COG7: variants seen among roughly 807,000 people sequenced by gnomAD.
COG7 encodes component of oligomeric golgi complex 7.
A neutral mutation model predicts 91.5 loss-of-function variants in COG7; 49 were observed. That is an observed-to-expected ratio of 0.54 (90% CI 0.43 to 0.68). The LOEUF is 0.68. Among genes scored for constraint, COG7 ranks in the 30% least tolerant of loss-of-function variants. The probability of loss-of-function intolerance (pLI) is 0.00; values close to 1 mark genes in which losing one functional copy is unlikely to be tolerated. For missense variants in COG7, 895 were observed against 961.3 expected, an observed-to-expected ratio of 0.93 and a Z score of 0.91; for synonymous variants, 365 against 388.7, an observed-to-expected ratio of 0.94 and a Z score of 0.72.
intron 7 of COG7, among the ~76,000 whole-genome samples, chr16:23,422,717 TA>T (rs546758852): frequency 1.6e-3 from 248 of 152,128 alleles, no homozygotes; most frequent in African/African-American, 5.7e-3. Flanking sequence ...AAAGAAAAAC[TA>T]AAACTCTTTT....
At chr16:23,422,742 G>C (rs192397766) in intron 7 of COG7, among the ~76,000 whole-genome samples, 6 of 152,006 alleles carry the variant, frequency 3.9e-5, no homozygotes, top group Non-Finnish European at 7.4e-5. Flanking sequence ...AAACCTCAGG[G>C]AGAATCATTA....
chr16:23,392,606 C>A, intron 15 of COG7, 83 bp from the exon 16 acceptor site: 1 of 1,551,366 alleles, frequency 6.4e-7, no homozygotes, highest in Non-Finnish European at 8.9e-7. Flanking sequence ...AGCTTCTGAT[C>A]TCAATGGCAA....
At chr16:23,417,824 C>A (rs1032480593) in intron 8 of COG7, among the ~76,000 whole-genome samples, 4 of 152,118 alleles carry the variant, frequency 2.6e-5, no homozygotes, top group African/African-American at 7.2e-5. Flanking sequence ...TGCTTCCTTC[C>A]TTCAGGTGCA....
At chr16:23,425,913 A>G (rs1022321068) in intron 6 of COG7, among the ~76,000 whole-genome samples, 2 of 152,158 alleles carry the variant, frequency 1.3e-5, no homozygotes, top group Non-Finnish European at 2.9e-5. Context: ...ACCAAAAATT[A>G]ACTAGAGAGA....
rs140030187 is a variant in COG7 at position 23,434,638 on chromosome 16, T to C, written c.685A>G (p.Lys229Glu). The C allele has an allele frequency of 1.2e-6, 2 of 1,611,180 alleles. No homozygotes were observed. Among genetic ancestry groups the C allele is most frequent in the African/African-American group, 2.7e-5 (2 of 74,876 alleles). The change falls in exon 5 of 17, where the codon AAG becomes GAG. Residue 229 changes from lysine to glutamate, a missense_variant and splice_region_variant. Lys to Glu is a moderately conservative substitution (Grantham distance 56). Transcript: ENST00000307149. ...TGTCATCGCGCACAGCTTCTTACCT[T>C]GTGACACTTGTAGTAGTAGGCCAGG... ...QLLAYYYKCH[K>E]VQLLAAWQEL...
rs1355562436 is a variant in COG7, at chr16:23,445,986, A to C, written c.170-25T>G. On this transcript the variant is annotated intron_variant, in intron 1 of 16. Transcript: ENST00000307149. ...TCTGTAGTTAAAAAAAAAAAAAAAAACAACAACAACAGCGATAGCCACAAA... is the reference window on the plus strand; with the variant it reads ...TCTGTAGTTAAAAAAAAAAAAAAAACCAACAACAACAGCGATAGCCACAAA... 3.3e-6 allele frequency: 5 copies of C among 1,521,930 alleles called. No homozygotes were observed. Among genetic ancestry groups the C allele is most frequent in the Admixed American group, 3.5e-5 (2 of 57,440 alleles). 94.3% of individuals were successfully genotyped at this position (1,521,930 alleles called of 1,614,324 possible). A position where few individuals can be genotyped will look rare whatever the true frequency, so the allele number is the denominator to read the frequency against.
intron 13 of COG7, among the ~76,000 whole-genome samples, chr16:23,401,362 G>A (rs7201167): frequency 0.075 from 11,482 of 152,130 alleles, 743 homozygotes; most frequent in African/African-American, 0.17. Flanking sequence ...TGGTGAAGCC[G>A]GAATGAGAAG....
At chr16:23,452,649 C>T (rs1216669472) in intron 1 of COG7, 177 bp downstream of exon 1, 1 of 1,410,330 alleles carries the variant, frequency 7.1e-7, no homozygotes, top group Non-Finnish European at 9.3e-7. Flanking sequence ...TCAAGACAGC[C>T]CGGCACCCAG....
rs763456778 is a variant in COG7, at chr16:23,406,203, C to T, written c.1535G>A (p.Gly512Asp). 6.2e-7 allele frequency: 1 copy of T among 1,614,158 alleles called. No homozygotes were observed. Among genetic ancestry groups the T allele is most frequent in the Non-Finnish European group, 8.5e-7 (1 of 1,180,032 alleles). The change falls in exon 12 of 17, where the codon GGT becomes GAT. Residue 512 changes from glycine to aspartate, a missense_variant. Coordinates refer to ENST00000307149, the MANE Select transcript of COG7 (RefSeq NM_153603.4). ...GTCTGTCAAGATGCTCTCCTGAAAACCAGCCAGGCTCCGGGGGCTGCAGGA... is the reference window on the plus strand; with the variant it reads ...GTCTGTCAAGATGCTCTCCTGAAAATCAGCCAGGCTCCGGGGGCTGCAGGA... ...SDSCSPRSLA[G>D]FQESILTDKK...
At position 23,391,161 on chromosome 16, in the gene COG7, A is replaced by G. The variant is rs540337230; in HGVS notation, c.2146+1219T>C. On this transcript the variant is annotated intron_variant, in intron 16 of 16. Coordinates refer to ENST00000307149, the MANE Select transcript of COG7 (RefSeq NM_153603.4). ...AGCTGCCTAAAGCTTTGTTGTCTCTATCTCCTAGAACTACAGCTGGCACAC... is the reference window on the plus strand; with the variant it reads ...AGCTGCCTAAAGCTTTGTTGTCTCTGTCTCCTAGAACTACAGCTGGCACAC... Among the ~76,000 whole-genome samples the G allele has an allele frequency of 3.0e-4, 46 of 152,304 alleles. 1 individual carries two copies. Among genetic ancestry groups the G allele is most frequent in the South Asian group, 2.1e-4 (1 of 4,822 alleles).
chr16:23,405,996 C>T, intron 12 of COG7, 80 bp downstream of exon 12: 2 of 1,346,464 alleles, frequency 1.5e-6, no homozygotes, highest in South Asian at 2.3e-5. Context: ...ACAGGGCCCG[C>T]CTGTAACCCA....
intron 6 of COG7, among the ~76,000 whole-genome samples, chr16:23,425,890 TTTTTTGATGGTCACCAA>T (rs1251219182): frequency 6.6e-6 from 1 of 152,144 alleles, no homozygotes. Flanking sequence ...CATGTGGCAT[TTTTTTGATGGTCACCAA>T]AAATTAACTA....
At chr16:23,393,382 G>T (rs1213678080) in intron 14 of COG7, 35 bp from the exon 15 acceptor site, 1 of 1,486,624 alleles carries the variant, frequency 6.7e-7, no homozygotes, top group South Asian at 1.1e-5. Flanking sequence ...GCCTGACATT[G>T]ACACATACGG....
intron 16 of COG7, among the ~76,000 whole-genome samples, chr16:23,390,562 G>A (rs1312067649): frequency 1.3e-5 from 2 of 152,006 alleles, no homozygotes; most frequent in African/African-American, 2.4e-5. Flanking sequence ...CTAAAGTGGA[G>A]CTCCAGGCAA....
chr16:23,439,956 C>T (rs943596103), intron 4 of COG7, among the ~76,000 whole-genome samples: 16 of 152,034 alleles, frequency 1.1e-4, no homozygotes, highest in Non-Finnish European at 2.1e-4. Flanking sequence ...ATAATTGCTT[C>T]ACACTCTCAA....
rs8057712 is a variant in COG7, at chr16:23,392,423, A to G, written c.2103T>C (p.Pro701=). ...QTYCDAILQI[P]ELSPHSAKQL... The stretch of plus-strand genomic sequence containing the variant: ...GCTTGGCAGAGTGTGGGCTCAGCTC[A>G]GGGATCTGTAGGATCGCATCACAGT... The change falls in exon 16 of 17, where the codon CCT becomes CCC. Residue 701 remains proline, a synonymous_variant. Coordinates refer to ENST00000307149, the MANE Select transcript of COG7 (RefSeq NM_153603.4). 0.041 allele frequency: 65,930 copies of G among 1,614,098 alleles called. 2,983 individuals carry two copies. The highest frequency in any genetic ancestry group is 0.22 in the African/African-American group (16,642 of 74,980).
intron 1 of COG7, among the ~76,000 whole-genome samples, chr16:23,448,844 A>T (rs1254285220): frequency 1.3e-5 from 2 of 152,214 alleles, no homozygotes; most frequent in African/African-American, 4.8e-5. Context: ...AGTTTCTACA[A>T]GTCTACAGTG....
At chr16:23,413,910 G>C (rs988821906) in intron 9 of COG7, 1 of 288,126 alleles carries the variant, frequency 3.5e-6, no homozygotes, top group Non-Finnish European at 6.8e-6. Flanking sequence ...CAGGTTTGAA[G>C]AACTGTTTAA....
chr16:23,444,165 G>A (rs1401516243), intron 3 of COG7, among the ~76,000 whole-genome samples: 1 of 151,276 alleles, frequency 6.6e-6, no homozygotes, highest in Non-Finnish European at 1.5e-5. Context: ...AGAAAAATTA[G>A]AGGACTAAGG....
Sources: allele counts gnomAD v4.1 joint callset (sites outside exome capture counted in the v4.1 genomes callset), GRCh38; gene constraint gnomAD v4.1.1; transcripts MANE v1.5; gene names NCBI Gene and HGNC (gene_info 2026-07-23, HGNC 2026-07-21).